Variants in WDR17 observed in about 807,000 individuals in gnomAD.
WDR17 encodes WD repeat-containing protein 17.
In WDR17, 143 loss-of-function variants were observed where a neutral mutation model predicts 161.7. The ratio of observed to expected loss-of-function variants is 0.88; its 90% confidence interval spans 0.77 to 1.02. The LOEUF (loss-of-function observed/expected upper bound fraction) is 1.02. WDR17 is among the 50% of genes least tolerant of loss of function. The probability of loss-of-function intolerance (pLI) is 0.00; values close to 1 mark genes in which losing one functional copy is unlikely to be tolerated. For missense variants in WDR17, 1,469 were observed against 1,520.9 expected (o/e 0.97, Z 0.57); for synonymous variants, 517 against 515.6 (o/e 1.00, Z -0.04).
rs147460611 is a variant in WDR17 at position 176,147,223 on chromosome 4, T to A, written c.1695-910T>A. Among the ~76,000 whole-genome samples the A allele has an allele frequency of 2.6e-5, 4 of 152,288 alleles. 1 individual carries two copies. The highest frequency in any genetic ancestry group is 9.6e-5 in the African/African-American group (4 of 41,554). Reference sequence around the variant, plus strand: ...TGCCTTAAGAAATAAGAATACATCATTTATCTCCTATATAGTGCAAAATAG... The same window carrying A: ...TGCCTTAAGAAATAAGAATACATCAATTATCTCCTATATAGTGCAAAATAG... On this transcript the variant is annotated intron_variant, in intron 12 of 28. Coordinates refer to ENST00000508596, the MANE Select transcript of WDR17 (RefSeq NM_181265.4).
chr4:176,175,108 C>T (rs1283157832), intron 26 of WDR17, among the ~76,000 whole-genome samples: 3 of 152,158 alleles, frequency 2.0e-5, no homozygotes, highest in Non-Finnish European at 4.4e-5. Flanking sequence ...CCATGAATTA[C>T]GACTACATTC....
intron 5 of WDR17, among the ~76,000 whole-genome samples, chr4:176,126,755 G>A (rs143411509): frequency 1.7e-3 from 265 of 152,204 alleles, no homozygotes; most frequent in African/African-American, 6.0e-3. Context: ...TGTCAAGGCC[G>A]GACCCAGCTG....
intron 28 of WDR17, among the ~76,000 whole-genome samples, chr4:176,179,101 T>C (rs1302580762): frequency 2.0e-5 from 3 of 152,208 alleles, no homozygotes; most frequent in African/African-American, 7.2e-5. Flanking sequence ...TAGTGAAATA[T>C]ATTTAAGCCT....
At chr4:176,151,690 T>C in intron 16 of WDR17, 122 bp from the exon 17 acceptor site, 1 of 832,530 alleles carries the variant, frequency 1.2e-6, no homozygotes, top group Non-Finnish European at 1.8e-6. Context: ...TCTTTTTTTG[T>C]GTGTTAGGAA....
intron 11 of WDR17, among the ~76,000 whole-genome samples, chr4:176,143,292 TA>T (rs1312677036): frequency 6.6e-6 from 1 of 152,226 alleles, no homozygotes; most frequent in Non-Finnish European, 1.5e-5. Context: ...CCAGAATCCT[TA>T]GCCTTTTCTT....
At chr4:176,168,155 G>GA (rs546835917) in intron 22 of WDR17, among the ~76,000 whole-genome samples, 11 of 147,054 alleles carry the variant, frequency 7.5e-5, no homozygotes, top group Admixed American at 3.4e-4. Context: ...TGCCTCAAAA[G>GA]AAAAAAAAAG....
chr4:176,076,161 A>G (rs373792009), intron 1 of WDR17, among the ~76,000 whole-genome samples: 2 of 148,132 alleles, frequency 1.4e-5, no homozygotes, highest in African/African-American at 5.0e-5. Flanking sequence ...ATTAGCCTTG[A>G]ATTTGCCTTA....
In WDR17 at chr4:176,125,115, C is replaced by T; in HGVS notation, c.550C>T (p.Gln184Ter). The change falls in exon 5 of 29, where the codon CAG becomes TAG. Residue 184 changes from glutamine (Q) to a stop codon, truncating the protein, a stop_gained. Coordinates refer to ENST00000508596, the MANE Select transcript of WDR17 (RefSeq NM_181265.4). LOFTEE classifies it high-confidence loss of function. The stretch of plus-strand genomic sequence containing the variant: ...CTGTATTTTAACAGGTAATAAAAAT[C>T]AGAAACATGTTTTGAGACCAGAATC... ...LSIFHPGNKN[Q>*]KHVLRPESLE... The T allele has an allele frequency of 6.2e-7, 1 of 1,613,786 alleles. No individual in the cohort carries two copies. The highest frequency in any genetic ancestry group is 8.5e-7 in the Non-Finnish European group (1 of 1,179,888).
intron 21 of WDR17, 135 bp from the exon 22 acceptor site, chr4:176,163,019 T>C: frequency 1.8e-6 from 2 of 1,137,084 alleles, no homozygotes; most frequent in African/African-American, 3.1e-5. Context: ...TTTATAGGAA[T>C]ATTACAGTCA....
chr4:176,136,796 T>C (rs969088276), intron 8 of WDR17, among the ~76,000 whole-genome samples: 2 of 151,596 alleles, frequency 1.3e-5, no homozygotes, highest in Admixed American at 6.6e-5. Context: ...TTAAAAATGT[T>C]AGAAATATGA....
intron 1 of WDR17, among the ~76,000 whole-genome samples, chr4:176,105,456 A>G (rs1359085362): frequency 1.3e-5 from 2 of 152,134 alleles, no homozygotes; most frequent in Non-Finnish European, 2.9e-5. Context: ...TAGGATAGAC[A>G]ATATGTTTGG....
rs2126910283 is a variant in WDR17, at chr4:176,180,286, T to C, written c.*707T>C. ...CACAAAATGCAGTCGAATATATATA[T>C]GAAAACTTGCATTAGGTGATAAAGT... On this transcript the variant is annotated 3_prime_UTR_variant, in exon 29 of 29. Coordinates refer to ENST00000508596, the MANE Select transcript of WDR17 (RefSeq NM_181265.4). 1 of 152,276 alleles carries C rather than the reference T, an allele frequency of 6.6e-6. No individual in the cohort carries two copies. The highest frequency in any genetic ancestry group is 1.9e-4 in the East Asian group (1 of 5,186). The allele number at this position is 152,276 out of a possible 1,614,324, so 9.4% of individuals were successfully genotyped here.
chr4:176,070,512 T>TC (rs1578969326), intron 1 of WDR17, among the ~76,000 whole-genome samples: 1 of 152,006 alleles, frequency 6.6e-6, no homozygotes, highest in South Asian at 2.1e-4. Context: ...TCCCTTTTTT[T>TC]CCACTTCTTT....
At chr4:176,135,076 A>G in intron 7 of WDR17, 32 bp from the exon 8 acceptor site, 1 of 1,605,104 alleles carries the variant, frequency 6.2e-7, no homozygotes, top group South Asian at 1.1e-5. Flanking sequence ...ATTTTCCTCA[A>G]TAATTATGAC....
At position 176,162,098 on chromosome 4, in the gene WDR17, A is replaced by G; in HGVS notation, c.2774A>G (p.Glu925Gly). Residue 925 changes from glutamate to glycine, a missense_variant, in exon 21 of 29, where the codon GAA becomes GGA. By Grantham distance (98) the Glu-to-Gly change is moderately conservative (BLOSUM62 -2). Coordinates refer to ENST00000508596, the MANE Select transcript of WDR17 (RefSeq NM_181265.4). Reference protein sequence around the residue: ...FNELLHKVSKELAEWYFQDGR... With the variant: ...FNELLHKVSKGLAEWYFQDGR... ...AGACTCCTGCACAAAGTCAGTAAAG[A>G]ACTGGCAGAATGGTATTTTCAAGAT... 6.2e-7 allele frequency: 1 copy of G among 1,613,160 alleles called. No homozygotes were observed. The highest frequency in any genetic ancestry group is 8.5e-7 in the Non-Finnish European group (1 of 1,179,438).
Position 176,160,015 on chromosome 4 carries a change from G to A in WDR17, c.2547G>A (p.Gln849=). The change falls in exon 19 of 29, where the codon CAG becomes CAA. Residue 849 remains glutamine (Q), a synonymous_variant. Transcript: ENST00000508596. ...TTAGGAGAGCTGACCAATTAATCCA[G>A]GAAGATAAGGATGATGTCATTCCAT... The part of the protein sequence containing the change: ...LMQRRADQLI[Q]EDKDDVIPYC... 6.2e-7 allele frequency: 1 copy of A among 1,608,692 alleles called. No individual in the cohort carries two copies. The highest frequency in any genetic ancestry group is 8.5e-7 in the Non-Finnish European group (1 of 1,176,544).
chr4:176,133,689 C>G lies in WDR17; in HGVS notation c.1099-1419C>G, dbSNP rs1047237145. On this transcript the variant is annotated intron_variant, in intron 7 of 28. Coordinates refer to ENST00000508596, the MANE Select transcript of WDR17 (RefSeq NM_181265.4). ...CGAAGTGTTACCAGAAGAAACAACT[C>G]TGAACTGCTGTATGTATGAAGCATC... 1.3e-4 allele frequency among the ~76,000 whole-genome samples: 19 copies of G among 151,618 alleles called. No homozygotes were observed. The East Asian group carries it at 3.5e-3, about 28-fold the overall frequency.
At chr4:176,152,335 G>A (rs549332389) in intron 17 of WDR17, among the ~76,000 whole-genome samples, 1 of 136,474 alleles carries the variant, frequency 7.3e-6, no homozygotes, top group African/African-American at 2.7e-5. Context: ...GGTGGCTCAC[G>A]CCTGTAATCC....
Position 176,119,971 on chromosome 4 carries a change from G to T in WDR17, c.412G>T (p.Gly138Ter), listed in dbSNP as rs1177137390. Residue 138 changes from glycine to a stop codon, truncating the protein, a stop_gained, in exon 4 of 29, where the codon GGA becomes TGA. Transcript: ENST00000508596. LOFTEE classifies it high-confidence loss of function. The part of the protein sequence containing the change: ...FIWTISGPDS[G>*]VIVHKDAHSF... ...TTGGACCATCTCAGGACCAGATAGT[G>T]GAGTGATTGTACACAAAGATGCTCA... The T allele has an allele frequency of 6.2e-7, 1 of 1,613,894 alleles. No individual in the cohort carries two copies. The highest frequency in any genetic ancestry group is 1.3e-5 in the African/African-American group (1 of 74,872).
Sources: allele counts gnomAD v4.1 joint callset (sites outside exome capture counted in the v4.1 genomes callset), GRCh38; gene constraint gnomAD v4.1.1; transcripts MANE v1.5; gene names NCBI Gene and HGNC (gene_info 2026-07-23, HGNC 2026-07-21).